Variants in ZBTB20 observed in about 807,000 individuals in gnomAD.
ZBTB20 encodes zinc finger and BTB domain containing 20.
ZBTB20 carries 9 observed loss-of-function variants against 56.9 expected under a neutral mutation model. The ratio of observed to expected loss-of-function variants is 0.16; its 90% confidence interval spans 0.10 to 0.28. The LOEUF is 0.28. ZBTB20 is among the 10% of genes least tolerant of loss of function. ZBTB20 has a pLI of 1.00. For missense variants in ZBTB20, 655 were observed against 1,003.0 expected, an observed-to-expected ratio of 0.65 and a Z score of 4.69; for synonymous variants, 417 against 420.7, an observed-to-expected ratio of 0.99 and a Z score of 0.11.
At chr3:114,628,116 T>C (rs1427578353) in intron 6 of ZBTB20, among the ~76,000 whole-genome samples, 4 of 151,786 alleles carry the variant, frequency 2.6e-5, no homozygotes, top group African/African-American at 9.7e-5. Flanking sequence ...GCTCATTTCC[T>C]TTTTTTTCTC....
intron 5 of ZBTB20, among the ~76,000 whole-genome samples, chr3:114,788,217 G>A (rs1469887776): frequency 6.6e-6 from 1 of 152,014 alleles, no homozygotes; most frequent in East Asian, 1.9e-4. Flanking sequence ...ATTAAAAATT[G>A]ACCATTTTAA....
At chr3:114,402,383 A>G (rs1211053070) in intron 7 of ZBTB20, among the ~76,000 whole-genome samples, 1 of 152,198 alleles carries the variant, frequency 6.6e-6, no homozygotes, top group Non-Finnish European at 1.5e-5. Flanking sequence ...GGAGAAAGAA[A>G]AAGGCTAAAA....
intron 6 of ZBTB20, among the ~76,000 whole-genome samples, chr3:114,548,546 T>C (rs1290405437): frequency 2.0e-5 from 3 of 151,184 alleles, no homozygotes; most frequent in African/African-American, 7.3e-5. Flanking sequence ...TGAGACAGAG[T>C]CTCACTGTGT....
intron 7 of ZBTB20, among the ~76,000 whole-genome samples, chr3:114,424,478 A>C (rs1442610259): frequency 6.6e-6 from 1 of 152,212 alleles, no homozygotes; most frequent in African/African-American, 2.4e-5. Flanking sequence ...AGCTTCATGT[A>C]ATGCACGCCA....
At chr3:114,492,736 G>T (rs997310057) in intron 7 of ZBTB20, among the ~76,000 whole-genome samples, 1 of 152,102 alleles carries the variant, frequency 6.6e-6, no homozygotes, top group Non-Finnish European at 1.5e-5. Flanking sequence ...ACGTGCAGTT[G>T]TAAGAGATAA....
intron 7 of ZBTB20, among the ~76,000 whole-genome samples, chr3:114,422,842 T>C (rs185375724): frequency 6.6e-6 from 1 of 152,230 alleles, no homozygotes; most frequent in East Asian, 1.9e-4. Context: ...TGAAATTATA[T>C]CATAAGCTAC....
chr3:114,801,934 C>T (rs978189371), intron 4 of ZBTB20, among the ~76,000 whole-genome samples: 36 of 151,776 alleles, frequency 2.4e-4, no homozygotes, highest in African/African-American at 8.2e-4. Context: ...ACAGTCCAGG[C>T]ATTAAGAGCT....
Position 114,837,094 on chromosome 3 carries a change from C to T in ZBTB20, c.-416-35920G>A, listed in dbSNP as rs185397527. ...CTCTGCCCAGACTGCTCTGTTCCTA[C>T]ATCTCTGCATGACTGATTTCTTCAC... On this transcript the variant is annotated intron_variant, in intron 4 of 11. Transcript: ENST00000675478. 1.7e-3 allele frequency among the ~76,000 whole-genome samples: 260 copies of T among 152,282 alleles called. 1 individual carries two copies. The highest frequency in any genetic ancestry group is 2.7e-3 in the Non-Finnish European group (186 of 68,020).
At chr3:114,609,004 T>G (rs898338929) in intron 6 of ZBTB20, among the ~76,000 whole-genome samples, 1 of 152,222 alleles carries the variant, frequency 6.6e-6, no homozygotes, top group African/African-American at 2.4e-5. Flanking sequence ...AACATCTGTC[T>G]TATACCTTTT....
At position 114,330,042 on chromosome 3, in the gene ZBTB20, T is replaced by C. The variant is rs2079196027; in HGVS notation, c.*8963A>G. ...CCTACAGGGGAAAATCACAGATACA[T>C]TCATATGCACCTCTTTTGTTCTTCA... On this transcript the variant is annotated 3_prime_UTR_variant, in exon 12 of 12. Transcript: ENST00000675478. 6.6e-6 allele frequency: 1 copy of C among 152,180 alleles called. No individual in the cohort carries two copies. Among genetic ancestry groups the C allele is most frequent in the African/African-American group, 2.4e-5 (1 of 41,440 alleles). 9.4% of individuals were successfully genotyped at this position (152,180 alleles called of 1,614,324 possible). A position where few individuals can be genotyped will look rare whatever the true frequency, so the allele number is the denominator to read the frequency against.
chr3:114,448,894 A>G (rs998771143), intron 7 of ZBTB20, among the ~76,000 whole-genome samples: 2 of 152,264 alleles, frequency 1.3e-5, no homozygotes, highest in South Asian at 4.1e-4. Flanking sequence ...TGTAGGTTAA[A>G]ATAGAATTAA....
chr3:114,343,298 C>T (rs921798995), intron 11 of ZBTB20, among the ~76,000 whole-genome samples: 1 of 152,082 alleles, frequency 6.6e-6, no homozygotes, highest in African/African-American at 2.4e-5. Flanking sequence ...CAGCAAGAAC[C>T]CACTTATTCT....
chr3:114,722,085 G>A (rs963405789), intron 5 of ZBTB20, among the ~76,000 whole-genome samples: 5 of 152,158 alleles, frequency 3.3e-5, no homozygotes, highest in Non-Finnish European at 5.9e-5. Context: ...CATGATGAAT[G>A]AGTCAACTGG....
intron 1 of ZBTB20, among the ~76,000 whole-genome samples, chr3:115,141,593 A>G (rs1208697748): frequency 6.6e-6 from 1 of 152,238 alleles, no homozygotes; most frequent in East Asian, 1.9e-4. Flanking sequence ...AAAACAAAGT[A>G]GGGTGACTGA....
chr3:114,676,121 G>T (rs567866286), intron 6 of ZBTB20, among the ~76,000 whole-genome samples: 5 of 152,148 alleles, frequency 3.3e-5, no homozygotes, highest in Non-Finnish European at 7.4e-5. Flanking sequence ...GAATATTTTG[G>T]TTGCTAAAGG....
intron 7 of ZBTB20, among the ~76,000 whole-genome samples, chr3:114,466,869 C>T (rs1375237466): frequency 2.6e-5 from 4 of 152,068 alleles, no homozygotes; most frequent in African/African-American, 9.7e-5. Flanking sequence ...AAACACGATG[C>T]AAATAAGTTA....
chr3:114,392,587 C>T (rs2085977986), intron 7 of ZBTB20, among the ~76,000 whole-genome samples: 1 of 152,178 alleles, frequency 6.6e-6, no homozygotes, highest in South Asian at 2.1e-4. Flanking sequence ...TTTGTAGAAA[C>T]AAACTATTGG....
chr3:114,879,418 A>T (rs1395256351), intron 4 of ZBTB20, among the ~76,000 whole-genome samples: 1 of 151,150 alleles, frequency 6.6e-6, no homozygotes, highest in Non-Finnish European at 1.5e-5. Context: ...ACTGCACTTT[A>T]AAAAAAAACC....
intron 7 of ZBTB20, among the ~76,000 whole-genome samples, chr3:114,433,792 C>A (rs1020428241): frequency 6.6e-6 from 1 of 152,098 alleles, no homozygotes; most frequent in Admixed American, 6.6e-5. Flanking sequence ...TTTAGCAGTT[C>A]GGAAGAAGCA....
Sources: allele counts gnomAD v4.1 joint callset (sites outside exome capture counted in the v4.1 genomes callset), GRCh38; gene constraint gnomAD v4.1.1; transcripts MANE v1.5; gene names NCBI Gene and HGNC (gene_info 2026-07-23, HGNC 2026-07-21).